C6orf132: variants seen among roughly 807,000 people sequenced by gnomAD.
C6orf132 encodes chromosome 6 open reading frame 132.
C6orf132 carries 43 observed loss-of-function variants against 65.3 expected under a neutral mutation model. The observed-to-expected ratio is 0.66, with a 90% CI of 0.52 to 0.85. C6orf132 has a LOEUF of 0.85. Among genes scored for constraint, C6orf132 ranks in the 40% least tolerant of loss-of-function variants. The probability of loss-of-function intolerance (pLI) is 0.00; values close to 1 mark genes in which losing one functional copy is unlikely to be tolerated. For missense variants in C6orf132, 1,488 were observed against 1,548.8 expected, an observed-to-expected ratio of 0.96 and a Z score of 0.66; for synonymous variants, 631 against 654.1, an observed-to-expected ratio of 0.96 and a Z score of 0.54.
chr6:42,136,233 C>T (rs997049885), intron 1 of C6orf132, among the ~76,000 whole-genome samples: 2 of 151,062 alleles, frequency 1.3e-5, no homozygotes, highest in South Asian at 2.1e-4. Context: ...TCTGGATTCA[C>T]ATCCATATAA....
At chr6:42,110,833 A>C (rs1331814181) in intron 2 of C6orf132, among the ~76,000 whole-genome samples, 1 of 152,236 alleles carries the variant, frequency 6.6e-6, no homozygotes, top group Non-Finnish European at 1.5e-5. Context: ...CAAAATTTTC[A>C]CTGCTCTGTG....
At chr6:42,119,341 CTTTTTTTTTT>C (rs36124736) in intron 2 of C6orf132, among the ~76,000 whole-genome samples, 1 of 78,214 alleles carries the variant, frequency 1.3e-5, no homozygotes, top group Non-Finnish European at 2.3e-5. Context: ...AGCTTTCCAG[CTTTTTTTTTT>C]TTTTTTTTTT....
intron 1 of C6orf132, among the ~76,000 whole-genome samples, chr6:42,139,690 G>GT (rs564969799): frequency 7.6e-4 from 116 of 151,686 alleles, no homozygotes; most frequent in Middle Eastern, 3.4e-3. Context: ...TTTTTTTTGC[G>GT]TTTTTTTGTT....
At chr6:42,116,217 T>C (rs1353677803) in intron 2 of C6orf132, among the ~76,000 whole-genome samples, 2 of 152,240 alleles carry the variant, frequency 1.3e-5, no homozygotes, top group East Asian at 1.9e-4. Context: ...CATGAGCCAC[T>C]GTGCCCAGCC....
chr6:42,110,172 G>T (rs1030322010), intron 3 of C6orf132, 44 bp downstream of exon 3: 5 of 1,484,358 alleles, frequency 3.4e-6, no homozygotes, highest in Non-Finnish European at 4.6e-6. Context: ...AGGGCCCTAG[G>T]AGGAAAGAAA....
rs185578248 is a variant in C6orf132 at position 42,124,876 on chromosome 6, C to T, written c.252+3796G>A. ...CCTCCACCCGGGAGCAAGCGACGAA[C>T]GACATGGAAGCTGCCCTATCTTGTG... is the stretch of plus-strand genomic sequence containing the variant. On this transcript the variant is annotated intron_variant, in intron 2 of 4. Transcript: ENST00000341865. This position sits in a 1 kb window ranked among gnomAD's most constrained non-coding sequence, Gnocchi z 4.0. 6.6e-6 allele frequency among the ~76,000 whole-genome samples: 1 copy of T among 152,312 alleles called. No individual in the cohort carries two copies. The highest frequency in any genetic ancestry group is 2.4e-5 in the African/African-American group (1 of 41,576).
chr6:42,139,639 C>G (rs1767002914), intron 1 of C6orf132, among the ~76,000 whole-genome samples: 1 of 152,118 alleles, frequency 6.6e-6, no homozygotes, highest in African/African-American at 2.4e-5. Context: ...ACCCATGGCC[C>G]AACACAAATT....
chr6:42,142,588 AGGTG>A lies in C6orf132; in HGVS notation c.-148_-145del. 3.2e-6 allele frequency: 1 copy of A among 311,746 alleles called. No homozygotes were observed. 19.3% of individuals were successfully genotyped at this position (311,746 alleles called of 1,614,324 possible). On this transcript the variant is annotated 5_prime_UTR_variant, in exon 1 of 5. Transcript: ENST00000341865. Reference sequence around the variant, plus strand: ...CCTCCCCGCCCGCGCACCGGGCAACAGGTGCTGCGGGCGCCGCCGCTTGCCGGGA... The same window carrying A: ...CCTCCCCGCCCGCGCACCGGGCAACACTGCGGGCGCCGCCGCTTGCCGGGA...
chr6:42,115,289 CAAAA>C (rs58397911), intron 2 of C6orf132, among the ~76,000 whole-genome samples: 1 of 73,656 alleles, frequency 1.4e-5, no homozygotes, highest in Non-Finnish European at 3.1e-5. Flanking sequence ...GACTCCATCT[CAAAA>C]AAAAAAAAAA....
At chr6:42,103,989 G>T in intron 4 of C6orf132, 111 bp from the exon 5 acceptor site, 2 of 734,452 alleles carry the variant, frequency 2.7e-6, no homozygotes, top group Non-Finnish European at 3.9e-6. Flanking sequence ...TTCTGTATTT[G>T]CCCCGACAAG....
intron 1 of C6orf132, among the ~76,000 whole-genome samples, chr6:42,141,467 A>G (rs1223683534): frequency 6.6e-6 from 1 of 152,232 alleles, no homozygotes; most frequent in Non-Finnish European, 1.5e-5. Flanking sequence ...TAGAGAATAC[A>G]AATTGCAAAA....
Position 42,104,872 on chromosome 6 carries a change from G to T in C6orf132, c.3040C>A (p.Arg1014=). 1 of 1,449,390 alleles carries T rather than the reference G, an allele frequency of 6.9e-7. No homozygotes were observed. Among genetic ancestry groups the T allele is most frequent in the Non-Finnish European group, 9.0e-7 (1 of 1,105,542 alleles). The allele number at this position is 1,449,390 out of a possible 1,614,324, so 89.8% of individuals were successfully genotyped here. A position where few individuals can be genotyped will look rare whatever the true frequency, so the allele number is the denominator to read the frequency against. Residue 1014 remains arginine, a synonymous_variant, in exon 4 of 5, where the codon CGG becomes AGG. Coordinates refer to ENST00000341865, the MANE Select transcript of C6orf132 (RefSeq NM_001164446.3). The surrounding 1 kb of genome is among the most constrained non-coding windows in gnomAD (Gnocchi z 4.1). Reference sequence around the variant, plus strand: ...TGCCTCAAGTCTGAGTAGTTGTTCCGGGGAGGGGAGCTCTGGCGGCCCAGA... The same window carrying T: ...TGCCTCAAGTCTGAGTAGTTGTTCCTGGGAGGGGAGCTCTGGCGGCCCAGA... ...QYLGRQSSPP[R]NNYSDLRQLP... is the part of the protein sequence containing the mutation.
intron 1 of C6orf132, among the ~76,000 whole-genome samples, chr6:42,132,870 AAAAG>A (rs1348355456): frequency 7.9e-5 from 10 of 127,348 alleles, no homozygotes; most frequent in South Asian, 2.2e-4. Flanking sequence ...AAAAAAAAAG[AAAAG>A]AAAAGAAAAG....
Position 42,103,722 on chromosome 6 carries a change from GAC to G in C6orf132, c.*37_*38del. The G allele has an allele frequency of 8.0e-7, 1 of 1,248,676 alleles. No homozygotes were observed. Among genetic ancestry groups the G allele is most frequent in the Non-Finnish European group, 1.0e-6 (1 of 970,954 alleles). 77.3% of individuals were successfully genotyped at this position (1,248,676 alleles called of 1,614,324 possible). A position where few individuals can be genotyped will look rare whatever the true frequency, so the allele number is the denominator to read the frequency against. On this transcript the variant is annotated 3_prime_UTR_variant, in exon 5 of 5. Transcript: ENST00000341865. ...AGAAACAAGTGCCCAGATCCTTAAA[GAC>G]ACAGTTTGTTGGAGTAGAGCTAAGA...
intron 3 of C6orf132, 114 bp downstream of exon 3, chr6:42,110,102 C>T: frequency 1.2e-6 from 1 of 815,964 alleles, no homozygotes; most frequent in East Asian, 2.9e-5. Context: ...GTGGCTGTGC[C>T]TGAGGACTCT....
chr6:42,130,641 A>G (rs1173677822), intron 1 of C6orf132, among the ~76,000 whole-genome samples: 2 of 152,036 alleles, frequency 1.3e-5, no homozygotes, highest in African/African-American at 4.8e-5. Flanking sequence ...TACAGTTGTT[A>G]TTGTCATATT....
At position 42,109,866 on chromosome 6, in the gene C6orf132, GTGAAGTGTCT is replaced by G. The variant is rs377006912; in HGVS notation, c.328+340_328+349del. Among the ~76,000 whole-genome samples the G allele has an allele frequency of 1.5e-3, 228 of 152,322 alleles. 1 individual carries two copies. The highest frequency in any genetic ancestry group is 5.1e-3 in the African/African-American group (214 of 41,570). Reference sequence around the variant, plus strand: ...GTTGGAAGATACAGAGGTAGGAGGGGTGAAGTGTCTTGCCCAAGGGAGCAAAGTGAATATG... The same window carrying G: ...GTTGGAAGATACAGAGGTAGGAGGGGTGCCCAAGGGAGCAAAGTGAATATG... On this transcript the variant is annotated intron_variant, in intron 3 of 4. Coordinates refer to ENST00000341865, the MANE Select transcript of C6orf132 (RefSeq NM_001164446.3).
At chr6:42,117,485 G>T (rs571743397) in intron 2 of C6orf132, among the ~76,000 whole-genome samples, 3 of 152,118 alleles carry the variant, frequency 2.0e-5, no homozygotes, top group Non-Finnish European at 2.9e-5. Flanking sequence ...TAGAGTTGAT[G>T]ACTGTAGTCC....
At chr6:42,128,493 C>T (rs2079797254) in intron 2 of C6orf132, among the ~76,000 whole-genome samples, 179 bp downstream of exon 2, 2 of 152,128 alleles carry the variant, frequency 1.3e-5, no homozygotes, top group Admixed American at 6.5e-5. Context: ...ATTCCTAATC[C>T]TAGACTTCCT....
Sources: gnomAD v4.1 joint callset for allele counts (sites outside exome capture counted in the v4.1 genomes callset) on GRCh38, gnomAD v4.1.1 for gene constraint, Gnocchi (gnomAD v3.1) non-coding constraint, MANE v1.5 for transcripts, NCBI Gene and HGNC (gene_info 2026-07-23, HGNC 2026-07-21) for gene names.